CFAP61: variants seen among roughly 807,000 people sequenced by gnomAD.
The protein encoded by CFAP61 is cilia and flagella associated protein 61.
A neutral mutation model predicts 135.6 loss-of-function variants in CFAP61; 107 were observed. The ratio of observed to expected loss-of-function variants is 0.79; its 90% CI spans 0.67 to 0.93. CFAP61 has a LOEUF of 0.93. CFAP61 is among the 40% of genes least tolerant of loss of function. The pLI, the probability that CFAP61 is intolerant of heterozygous loss-of-function variation, is 0.00. For synonymous variants in CFAP61, 575 were observed against 578.5 expected (o/e 0.99, Z 0.09); for missense variants, 1,507 against 1,556.2 (o/e 0.97, Z 0.53).
At chr20:20,076,768 T>G (rs1430310782) in intron 6 of CFAP61, among the ~76,000 whole-genome samples, 1 of 152,192 alleles carries the variant, frequency 6.6e-6, no homozygotes, top group East Asian at 1.9e-4. Flanking sequence ...GTAGCAGTGG[T>G]ATGGCATCGT....
chr20:20,160,643 G>T (rs1353524898), intron 10 of CFAP61, among the ~76,000 whole-genome samples: 2 of 152,210 alleles, frequency 1.3e-5, no homozygotes, highest in Non-Finnish European at 2.9e-5. Flanking sequence ...CTGGGAGCAG[G>T]ATGTGCTGTC....
At chr20:20,323,105 C>T (rs2057596536) in intron 25 of CFAP61, 1 of 985,328 alleles carries the variant, frequency 1.0e-6, no homozygotes, top group Admixed American at 6.1e-5. Context: ...CTGTGAGCTA[C>T]TCTGCCACTC....
intron 17 of CFAP61, among the ~76,000 whole-genome samples, chr20:20,215,668 C>T (rs1228178074): frequency 6.6e-6 from 1 of 152,122 alleles, no homozygotes; most frequent in Non-Finnish European, 1.5e-5. Context: ...CTCCTAAAGA[C>T]CCTTTTGTTT....
At chr20:20,347,180 A>G (rs1029118252) in intron 26 of CFAP61, among the ~76,000 whole-genome samples, 7 of 152,240 alleles carry the variant, frequency 4.6e-5, no homozygotes, top group Non-Finnish European at 8.8e-5. Flanking sequence ...TAAAAAAGGG[A>G]TATTAGAAAT....
intron 21 of CFAP61, 91 bp downstream of exon 21, chr20:20,263,221 GT>G: frequency 1.8e-5 from 16 of 879,642 alleles, no homozygotes; most frequent in Non-Finnish European, 2.3e-5. Flanking sequence ...TATATAATTA[GT>G]GCCTAATTAA....
intron 9 of CFAP61, among the ~76,000 whole-genome samples, chr20:20,151,167 T>G (rs917078493): frequency 6.6e-6 from 1 of 151,926 alleles, no homozygotes; most frequent in African/African-American, 2.4e-5. Flanking sequence ...ATACAAGATA[T>G]TTATGAAAAA....
intron 21 of CFAP61, among the ~76,000 whole-genome samples, chr20:20,272,721 A>G (rs922441963): frequency 6.6e-6 from 1 of 152,086 alleles, no homozygotes; most frequent in African/African-American, 2.4e-5. Context: ...TCTTCCTTCC[A>G]GCTCTTACCC....
chr20:20,181,401 TG>T, intron 13 of CFAP61, among the ~76,000 whole-genome samples: 1 of 151,998 alleles, frequency 6.6e-6, no homozygotes, highest in Admixed American at 6.6e-5. Flanking sequence ...TTATTGTGTG[TG>T]TGACCTGATT....
rs192393265 is a variant in CFAP61 at position 20,080,614 on chromosome 20, C to T, written c.566+4999C>T. On this transcript the variant is annotated intron_variant, in intron 6 of 26. Coordinates refer to ENST00000245957, the MANE Select transcript of CFAP61 (RefSeq NM_015585.4). The stretch of plus-strand genomic sequence containing the variant: ...TCTAAGATTTAAAAATAGATGCCAC[C>T]AAATTATTCAACGTAAATATCATAT... 1.4e-4 allele frequency among the ~76,000 whole-genome samples: 22 copies of T among 152,254 alleles called. 2 individuals are homozygous for T. In the East Asian group the frequency reaches 2.3e-3, roughly 16 times the overall value.
intron 26 of CFAP61, among the ~76,000 whole-genome samples, chr20:20,350,485 C>T (rs774716608): frequency 2.0e-5 from 3 of 152,042 alleles, no homozygotes; most frequent in East Asian, 1.9e-4. Flanking sequence ...AAAAATTAGC[C>T]GGACGTGATA....
intron 23 of CFAP61, 28 bp downstream of exon 23, chr20:20,288,964 A>C (rs2054800959): frequency 3.2e-6 from 5 of 1,568,148 alleles, no homozygotes; most frequent in Non-Finnish European, 4.4e-6. Flanking sequence ...CTTCTCCTTG[A>C]TGAAGCCACA....
chr20:20,306,747 G>T (rs1403338999), intron 25 of CFAP61, among the ~76,000 whole-genome samples: 1 of 152,108 alleles, frequency 6.6e-6, no homozygotes, highest in Non-Finnish European at 1.5e-5. Context: ...GCAGGCAGAG[G>T]AAGGCGCTGG....
chr20:20,270,234 T>C (rs569797433), intron 21 of CFAP61, among the ~76,000 whole-genome samples: 1 of 152,308 alleles, frequency 6.6e-6, no homozygotes, highest in Non-Finnish European at 1.5e-5. Flanking sequence ...TCTTGAGATC[T>C]AACTTCATGG....
intron 20 of CFAP61, among the ~76,000 whole-genome samples, chr20:20,258,212 A>G (rs536771010): frequency 8.1e-4 from 124 of 152,352 alleles, no homozygotes; most frequent in African/African-American, 2.8e-3. Context: ...GCACCAGCAA[A>G]AGACTGTCAG....
rs1226274122 is a variant in CFAP61, at chr20:20,231,234, C to G, written c.2060+2858C>G. Among the ~76,000 whole-genome samples, 3 of 152,068 alleles carry G rather than the reference C, an allele frequency of 2.0e-5. No individual in the cohort carries two copies. The East Asian group carries it at 5.8e-4, about 29-fold the overall frequency. On this transcript the variant is annotated intron_variant, in intron 18 of 26. Coordinates refer to ENST00000245957, the MANE Select transcript of CFAP61 (RefSeq NM_015585.4). ...CTGACTTTTTATTTTTTTAAGTATG[C>G]TATTTTATCTGCTAGCTGTGTGCAG...
In CFAP61 at chr20:20,106,017, T is replaced by C. The variant is rs1485350933; in HGVS notation, c.859+7203T>C. Among the ~76,000 whole-genome samples, 206 of 29,928 alleles carry C rather than the reference T, an allele frequency of 6.9e-3. 7 individuals are homozygous for C. The highest frequency in any genetic ancestry group is 0.026 in the South Asian group (21 of 810). 19.6% of individuals were successfully genotyped at this position (29,928 alleles called of 152,430 possible). A position where few individuals can be genotyped will look rare whatever the true frequency, so the allele number is the denominator to read the frequency against. On this transcript the variant is annotated intron_variant, in intron 8 of 26. Transcript: ENST00000245957. Reference sequence around the variant, plus strand: ...ACTCTTGCCTATATATATATATATATATATATATATATATATATATATATA... The same window carrying C: ...ACTCTTGCCTATATATATATATATACATATATATATATATATATATATATA...
chr20:20,073,980 TGA>T lies in CFAP61; in HGVS notation c.295-320_295-319del, dbSNP rs2045891781. On this transcript the variant is annotated intron_variant, in intron 3 of 26. Coordinates refer to ENST00000245957, the MANE Select transcript of CFAP61 (RefSeq NM_015585.4). ...TAGACACCCCTGAGGACAAGACTAC[TGA>T]GTTAATAATCGATTTCACTCCCCTG... 5 of 312,428 alleles carry T rather than the reference TGA, an allele frequency of 1.6e-5. No homozygotes were observed. In the South Asian group the frequency reaches 2.3e-4, roughly 14 times the overall value. The allele number at this position is 312,428 out of a possible 1,614,324, so 19.4% of individuals were successfully genotyped here. A position where few individuals can be genotyped will look rare whatever the true frequency, so the allele number is the denominator to read the frequency against.
chr20:20,315,312 T>A (rs2057066843), intron 25 of CFAP61, among the ~76,000 whole-genome samples: 2 of 151,292 alleles, frequency 1.3e-5, no homozygotes. Context: ...TTTTCATGTG[T>A]TTTTTGGCTG....
At chr20:20,209,689 T>C (rs960506082) in intron 17 of CFAP61, among the ~76,000 whole-genome samples, 1 of 152,192 alleles carries the variant, frequency 6.6e-6, no homozygotes, top group Admixed American at 6.5e-5. Context: ...ATTTAATCAT[T>C]TAATGTTTAC....
Sources: allele counts gnomAD v4.1 joint callset (sites outside exome capture counted in the v4.1 genomes callset), GRCh38; gene constraint gnomAD v4.1.1; transcripts MANE v1.5; gene names NCBI Gene and HGNC (gene_info 2026-07-23, HGNC 2026-07-21).